Variants in DHX57 observed in about 807,000 individuals in gnomAD.
The protein encoded by DHX57 is putative ATP-dependent RNA helicase DHX57.
A neutral mutation model predicts 156.2 loss-of-function variants in DHX57; 105 were observed. That is an observed-to-expected ratio of 0.67 (90% CI 0.57 to 0.79). DHX57 has a LOEUF of 0.79. Ranked by LOEUF, DHX57 falls within the 30% of genes least tolerant of loss-of-function variation. The pLI is 0.00. For synonymous variants in DHX57, 704 were observed against 595.6 expected (o/e 1.18, Z -2.65); for missense variants, 1,847 against 1,661.9 (o/e 1.11, Z -1.94).
intron 13 of DHX57, among the ~76,000 whole-genome samples, chr2:38,834,133 C>A (rs1411787347): frequency 6.6e-6 from 1 of 151,728 alleles, no homozygotes; most frequent in African/African-American, 2.4e-5. Context: ...AGTTCGAGAC[C>A]AGCCTGACCA....
chr2:38,839,733 AG>A (rs1235756118), intron 12 of DHX57, among the ~76,000 whole-genome samples: 3 of 151,618 alleles, frequency 2.0e-5, no homozygotes, highest in African/African-American at 7.3e-5. Flanking sequence ...AAAAAAAAAA[AG>A]GAGTTTTGAA....
At chr2:38,858,543 C>T in intron 6 of DHX57, 118 bp downstream of exon 6, 1 of 1,373,118 alleles carries the variant, frequency 7.3e-7, no homozygotes, top group South Asian at 1.5e-5. Flanking sequence ...ACTTTGACCA[C>T]TCAGGGAGAA....
At chr2:38,800,517 C>T (rs1572608337) in intron 23 of DHX57, among the ~76,000 whole-genome samples, 1 of 152,138 alleles carries the variant, frequency 6.6e-6, no homozygotes, top group Admixed American at 6.6e-5. Context: ...GGGAAACATA[C>T]AGTTCGGACC....
intron 12 of DHX57, among the ~76,000 whole-genome samples, chr2:38,839,152 G>A (rs916900299): frequency 5.3e-5 from 8 of 151,554 alleles, no homozygotes; most frequent in African/African-American, 1.9e-4. Flanking sequence ...GGCTGGTCTC[G>A]AACTCCTAAC....
At chr2:38,848,235 G>C in intron 10 of DHX57, 34 bp downstream of exon 10, 1 of 1,544,468 alleles carries the variant, frequency 6.5e-7, no homozygotes, top group African/African-American at 1.4e-5. Flanking sequence ...TTGCTTATTA[G>C]AATGATACAT....
chr2:38,851,922 T>C (rs1276919990), intron 9 of DHX57, among the ~76,000 whole-genome samples: 1 of 152,168 alleles, frequency 6.6e-6, no homozygotes, highest in Non-Finnish European at 1.5e-5. Context: ...AAAATGACAT[T>C]ATTTACCATT....
intron 20 of DHX57, 51 bp from the exon 21 acceptor site, chr2:38,813,946 T>G (rs1670400211): frequency 6.3e-7 from 1 of 1,598,028 alleles, no homozygotes; most frequent in Admixed American, 1.7e-5. Context: ...TATTTCTTTT[T>G]TTTCTTTTTG....
chr2:38,816,821 C>T (rs1670569135), intron 19 of DHX57, among the ~76,000 whole-genome samples: 1 of 152,028 alleles, frequency 6.6e-6, no homozygotes, highest in South Asian at 2.1e-4. Context: ...AACAATCCTA[C>T]AATCTAAGTT....
At chr2:38,812,784 C>T (rs539160644) in intron 21 of DHX57, among the ~76,000 whole-genome samples, 14 of 152,172 alleles carry the variant, frequency 9.2e-5, no homozygotes, top group East Asian at 3.9e-4. Context: ...CCGCCCGCCT[C>T]GGCCTCCCAA....
chr2:38,822,436 G>C (rs753242391), intron 17 of DHX57, among the ~76,000 whole-genome samples: 1 of 146,792 alleles, frequency 6.8e-6, no homozygotes, highest in Non-Finnish European at 1.5e-5. Context: ...TTGCTCTGTC[G>C]CCAGGCTGGA....
chr2:38,800,508 G>C (rs1160406468), intron 23 of DHX57, among the ~76,000 whole-genome samples: 1 of 152,104 alleles, frequency 6.6e-6, no homozygotes, highest in Non-Finnish European at 1.5e-5. Context: ...CCACTGTATG[G>C]GAAACATACA....
chr2:38,851,603 G>T (rs756900808), intron 9 of DHX57, among the ~76,000 whole-genome samples: 4 of 151,936 alleles, frequency 2.6e-5, no homozygotes, highest in African/African-American at 9.7e-5. Context: ...AATTTTTAAC[G>T]TTCATATTCT....
intron 5 of DHX57, among the ~76,000 whole-genome samples, chr2:38,859,974 A>C (rs1279897453): frequency 1.3e-5 from 2 of 152,012 alleles, no homozygotes; most frequent in Non-Finnish European, 2.9e-5. Context: ...ACCATGGCTG[A>C]CTAGCTAAGA....
At chr2:38,849,130 A>G (rs1023581313) in intron 9 of DHX57, among the ~76,000 whole-genome samples, 1 of 152,248 alleles carries the variant, frequency 6.6e-6, no homozygotes, top group African/African-American at 2.4e-5. Flanking sequence ...TGTTTGTAAT[A>G]GTAAGACAGT....
chr2:38,860,944 C>A (rs574702801), intron 5 of DHX57, 55 bp downstream of exon 5: 1 of 1,511,698 alleles, frequency 6.6e-7, no homozygotes, highest in Non-Finnish European at 9.0e-7. Context: ...AAGGCTTTGA[C>A]TTCTAAACCC....
intron 16 of DHX57, among the ~76,000 whole-genome samples, chr2:38,824,587 A>G (rs1670997400): frequency 6.6e-6 from 1 of 152,190 alleles, no homozygotes. Flanking sequence ...TATTTATGAA[A>G]AAGGTTTAAA....
Position 38,864,206 on chromosome 2 carries a change from C to T in DHX57, c.225-687G>A, listed in dbSNP as rs1179517899. ...ATTCTTCCTTGTGAATATTAAGGCC[C>T]CATTTCTAAAATACCCAATTATCTT... On this transcript the variant is annotated intron_variant, in intron 2 of 23. Transcript: ENST00000457308. Among the ~76,000 whole-genome samples the T allele has an allele frequency of 4.6e-5, 7 of 150,582 alleles. No individual in the cohort carries two copies. In the East Asian group the frequency reaches 1.4e-3, roughly 29 times the overall value.
intron 13 of DHX57, among the ~76,000 whole-genome samples, chr2:38,836,660 G>C (rs1671675130): frequency 1.3e-5 from 2 of 151,504 alleles, no homozygotes; most frequent in South Asian, 4.2e-4. Flanking sequence ...TGTAGTCCCA[G>C]CTACTTGGGA....
intron 17 of DHX57, among the ~76,000 whole-genome samples, chr2:38,821,049 TGAAATTAGA>T (rs1670788246): frequency 6.6e-6 from 1 of 151,758 alleles, no homozygotes; most frequent in Non-Finnish European, 1.5e-5. Context: ...CACAGTAGAC[TGAAATTAGA>T]AATAATGAAA....
Sources: allele counts gnomAD v4.1 joint callset (sites outside exome capture counted in the v4.1 genomes callset), GRCh38; gene constraint gnomAD v4.1.1; transcripts MANE v1.5; gene names NCBI Gene and HGNC (gene_info 2026-07-23, HGNC 2026-07-21).